Variants in PDE11A observed in about 807,000 individuals in gnomAD.
The protein encoded by PDE11A is phosphodiesterase 11A.
Under a neutral mutation model 100.5 loss-of-function variants are expected in PDE11A, and 100 were observed. The ratio of observed to expected loss-of-function variants is 1.00; its 90% confidence interval spans 0.85 to 1.18. The LOEUF (loss-of-function observed/expected upper bound fraction) is 1.18. Ranked by LOEUF, PDE11A falls within the 50% of genes most tolerant of loss-of-function variation. PDE11A has a pLI of 0.00. For synonymous variants in PDE11A, 381 were observed against 420.8 expected, an observed-to-expected ratio of 0.91 and a Z score of 1.16; for missense variants, 1,141 against 1,152.6, an observed-to-expected ratio of 0.99 and a Z score of 0.15.
intron 2 of PDE11A, among the ~76,000 whole-genome samples, chr2:178,095,009 A>G (rs1191964259): frequency 6.6e-6 from 1 of 152,128 alleles, no homozygotes. Context: ...TCGAGATGAG[A>G]TTTGGGTGGG....
At chr2:177,653,921 C>G (rs1041268526) in intron 19 of PDE11A, among the ~76,000 whole-genome samples, 1 of 152,208 alleles carries the variant, frequency 6.6e-6, no homozygotes, top group African/African-American at 2.4e-5. Context: ...AAAGGCAGAT[C>G]GGCTGGCTCC....
At chr2:178,103,980 T>C (rs2087589288) in intron 2 of PDE11A, among the ~76,000 whole-genome samples, 1 of 152,130 alleles carries the variant, frequency 6.6e-6, no homozygotes, top group African/African-American at 2.4e-5. Flanking sequence ...ATACTACAAA[T>C]AGAATCACTA....
chr2:178,085,295 C>G (rs577312690), intron 2 of PDE11A, among the ~76,000 whole-genome samples: 1 of 152,018 alleles, frequency 6.6e-6, no homozygotes, highest in Admixed American at 6.6e-5. Flanking sequence ...CTATGTTATA[C>G]AGGGATAAAA....
chr2:177,798,028 A>G (rs1185232416), intron 9 of PDE11A, among the ~76,000 whole-genome samples: 15 of 152,186 alleles, frequency 9.9e-5, no homozygotes, highest in Admixed American at 9.8e-4. Context: ...CTCCAGCCTC[A>G]GGCCCTGCCT....
intron 1 of PDE11A, among the ~76,000 whole-genome samples, chr2:178,068,545 G>GA (rs1238588018): frequency 6.6e-6 from 1 of 151,582 alleles, no homozygotes; most frequent in Non-Finnish European, 1.5e-5. Flanking sequence ...ACCTCCTGAA[G>GA]AAAAAATACA....
chr2:177,874,891 G>A (rs2084205917), intron 5 of PDE11A, among the ~76,000 whole-genome samples: 1 of 152,156 alleles, frequency 6.6e-6, no homozygotes, highest in Non-Finnish European at 1.5e-5. Context: ...TGGATTCAAA[G>A]TTCAGGAGTC....
chr2:177,842,008 T>C (rs919414751), intron 5 of PDE11A, among the ~76,000 whole-genome samples: 2 of 152,346 alleles, frequency 1.3e-5, no homozygotes, highest in East Asian at 1.9e-4. Flanking sequence ...AACAAGATAA[T>C]GCACCTCACA....
At chr2:178,081,254 G>A (rs2087281657) in intron 2 of PDE11A, among the ~76,000 whole-genome samples, 1 of 152,118 alleles carries the variant, frequency 6.6e-6, no homozygotes, top group Non-Finnish European at 1.5e-5. Flanking sequence ...TTTCTCACTT[G>A]TGTATAAATA....
chr2:177,965,805 T>C (rs952944093), intron 2 of PDE11A, among the ~76,000 whole-genome samples: 1 of 152,212 alleles, frequency 6.6e-6, no homozygotes, highest in Non-Finnish European at 1.5e-5. Context: ...GGCCTCCAGC[T>C]TTATTCTTTT....
intron 19 of PDE11A, among the ~76,000 whole-genome samples, chr2:177,652,354 A>G (rs1247386272): frequency 6.6e-6 from 1 of 152,172 alleles, no homozygotes. Flanking sequence ...TAGGAGTTGC[A>G]TGGGGAGAGG....
At chr2:177,789,474 G>A (rs1327234805) in intron 9 of PDE11A, among the ~76,000 whole-genome samples, 2 of 151,566 alleles carry the variant, frequency 1.3e-5, no homozygotes, top group African/African-American at 4.9e-5. Flanking sequence ...TTTGAAAACT[G>A]GCACAAGACA....
intron 17 of PDE11A, among the ~76,000 whole-genome samples, chr2:177,669,816 G>A (rs938721366): frequency 6.6e-6 from 1 of 152,090 alleles, no homozygotes; most frequent in Non-Finnish European, 1.5e-5. Flanking sequence ...GCCACAGTAC[G>A]GCTTCCATAT....
Position 177,630,636 on chromosome 2 carries a change from C to G in PDE11A, c.2647-1074G>C, listed in dbSNP as rs564858106. On this transcript the variant is annotated intron_variant, in intron 19 of 19. Coordinates refer to ENST00000286063, the MANE Select transcript of PDE11A (RefSeq NM_016953.4). ...GAAAATTCCACTATTCTCTACTTTA[C>G]TGATTATTTTCTTTCTTTTAAATGC... Among the ~76,000 whole-genome samples, 119 of 152,304 alleles carry G rather than the reference C, an allele frequency of 7.8e-4. 2 individuals are homozygous for G. Among genetic ancestry groups the G allele is most frequent in the African/African-American group, 2.8e-3 (116 of 41,580 alleles).
intron 9 of PDE11A, among the ~76,000 whole-genome samples, chr2:177,782,876 C>A (rs1473132972): frequency 1.3e-5 from 2 of 151,564 alleles, no homozygotes; most frequent in Non-Finnish European, 2.9e-5. Context: ...CTCTATCTCT[C>A]CCCTCTCCAC....
In PDE11A at chr2:178,069,346, C is replaced by T. The variant is rs890150229; in HGVS notation, c.912+2180G>A. ...TCCCATAATAAAGAAAAAAAAGTAG[C>T]TTTATCAAAGAAGAGTAGCATAAGT... On this transcript the variant is annotated intron_variant, in intron 1 of 19. Transcript: ENST00000286063. 2.0e-5 allele frequency among the ~76,000 whole-genome samples: 3 copies of T among 151,992 alleles called. No individual in the cohort carries two copies. In the South Asian group the frequency reaches 6.2e-4, roughly 32 times the overall value.
chr2:177,850,381 A>C (rs575706370), intron 5 of PDE11A, among the ~76,000 whole-genome samples: 1 of 152,306 alleles, frequency 6.6e-6, no homozygotes, highest in East Asian at 1.9e-4. Context: ...TACAAAAATT[A>C]ATTCAAGATG....
At chr2:177,822,736 T>C (rs1301349738) in intron 6 of PDE11A, among the ~76,000 whole-genome samples, 1 of 152,140 alleles carries the variant, frequency 6.6e-6, no homozygotes, top group Non-Finnish European at 1.5e-5. Context: ...CCTTAATTTA[T>C]TTAAGGCTCT....
chr2:177,909,708 CCTTCT>C (rs1316952123), intron 2 of PDE11A, among the ~76,000 whole-genome samples: 1 of 152,160 alleles, frequency 6.6e-6, no homozygotes, highest in Non-Finnish European at 1.5e-5. Flanking sequence ...ACACCTCCTT[CCTTCT>C]TTCTGTGATA....
At chr2:177,897,425 G>A (rs147068127) in intron 4 of PDE11A, among the ~76,000 whole-genome samples, 31 of 152,328 alleles carry the variant, frequency 2.0e-4, no homozygotes, top group African/African-American at 7.5e-4. Flanking sequence ...CTGCAGGGAA[G>A]TGAACAGCAG....
Sources: gnomAD v4.1 joint callset for allele counts (sites outside exome capture counted in the v4.1 genomes callset) on GRCh38, gnomAD v4.1.1 for gene constraint, MANE v1.5 for transcripts, NCBI Gene and HGNC (gene_info 2026-07-23, HGNC 2026-07-21) for gene names.